Variants in SLC35F4 observed in about 807,000 individuals in gnomAD.
SLC35F4 encodes the protein chromosome 14 open reading frame 36.
Under a neutral mutation model 44.2 loss-of-function variants are expected in SLC35F4, and 24 were observed. The ratio of observed to expected loss-of-function variants is 0.54; its 90% confidence interval spans 0.39 to 0.76. The LOEUF is 0.76. SLC35F4 is among the 30% of genes least tolerant of loss of function. The pLI, the probability that SLC35F4 is intolerant of heterozygous loss-of-function variation, is 0.00. For missense variants in SLC35F4, 562 were observed against 586.1 expected (o/e 0.96, Z 0.42); for synonymous variants, 238 against 223.6 (o/e 1.06, Z -0.57).
intron 1 of SLC35F4, among the ~76,000 whole-genome samples, chr14:57,642,160 A>G (rs1321259862): frequency 6.6e-6 from 1 of 151,972 alleles, no homozygotes; most frequent in African/African-American, 2.4e-5. Context: ...GCCACGTGCT[A>G]AGGTGACATG....
intron 1 of SLC35F4, among the ~76,000 whole-genome samples, chr14:57,901,831 G>A (rs1889006430): frequency 6.6e-6 from 1 of 152,060 alleles, no homozygotes; most frequent in Admixed American, 6.5e-5. Context: ...TATTACAGAT[G>A]AGCAAACTGT....
intron 1 of SLC35F4, among the ~76,000 whole-genome samples, chr14:57,788,676 C>T (rs750417945): frequency 2.6e-5 from 4 of 152,132 alleles, no homozygotes; most frequent in Non-Finnish European, 5.9e-5. Flanking sequence ...TAACAGACAT[C>T]TACAGGACTC....
In SLC35F4 at chr14:57,664,054, A is replaced by G. The variant is rs2074228578; in HGVS notation, c.104-69930T>C. 5.9e-5 allele frequency among the ~76,000 whole-genome samples: 9 copies of G among 152,210 alleles called. No individual in the cohort carries two copies. In the South Asian group the frequency reaches 1.9e-3, roughly 32 times the overall value. On this transcript the variant is annotated intron_variant, in intron 1 of 7. Coordinates refer to ENST00000556826, the MANE Select transcript of SLC35F4 (RefSeq NM_001306087.2). ...GCACTGTACATAGAGGAGAATATTAATAAACTCTGATGGAAATATTAATAT... is the reference window on the plus strand; with the variant it reads ...GCACTGTACATAGAGGAGAATATTAGTAAACTCTGATGGAAATATTAATAT...
intron 1 of SLC35F4, among the ~76,000 whole-genome samples, chr14:57,733,623 G>A (rs1457397564): frequency 6.6e-6 from 1 of 151,900 alleles, no homozygotes; most frequent in Non-Finnish European, 1.5e-5. Flanking sequence ...TTCCACTGAT[G>A]TATGGATAGC....
At chr14:57,756,173 T>C (rs1302915049) in intron 1 of SLC35F4, among the ~76,000 whole-genome samples, 1 of 152,250 alleles carries the variant, frequency 6.6e-6, no homozygotes, top group Non-Finnish European at 1.5e-5. Flanking sequence ...GCTGAGATCT[T>C]TGATTAAAGC....
chr14:57,888,647 T>A (rs1193116829), intron 1 of SLC35F4, among the ~76,000 whole-genome samples: 1 of 152,160 alleles, frequency 6.6e-6, no homozygotes, highest in Non-Finnish European at 1.5e-5. Flanking sequence ...AAAAGGGACA[T>A]TGGGAAAACA....
Position 57,682,481 on chromosome 14 carries a change from C to A in SLC35F4, c.104-88357G>T, listed in dbSNP as rs180735558. Among the ~76,000 whole-genome samples the A allele has an allele frequency of 6.0e-3, 905 of 151,998 alleles. 16 individuals carry two copies. The highest frequency in any genetic ancestry group is 6.0e-3 in the Non-Finnish European group (405 of 67,966). ...GACACAGGGAGCGGAACATCACACA[C>A]CTGTCATGGGGTAGGGGGCTAGGGG... On this transcript the variant is annotated intron_variant, in intron 1 of 7. Coordinates refer to ENST00000556826, the MANE Select transcript of SLC35F4 (RefSeq NM_001306087.2).
chr14:57,760,234 C>T (rs920065614), intron 1 of SLC35F4, among the ~76,000 whole-genome samples: 2 of 152,000 alleles, frequency 1.3e-5, no homozygotes, highest in African/African-American at 4.8e-5. Flanking sequence ...GGTCCAATTT[C>T]ATTATTTTGC....
At chr14:57,589,828 C>T (rs1360346286) in intron 2 of SLC35F4, among the ~76,000 whole-genome samples, 1 of 152,192 alleles carries the variant, frequency 6.6e-6, no homozygotes. Flanking sequence ...AAAGACTGGT[C>T]TTGGCCACAT....
At chr14:57,793,141 C>T (rs1013537176) in intron 1 of SLC35F4, among the ~76,000 whole-genome samples, 7 of 151,998 alleles carry the variant, frequency 4.6e-5, no homozygotes, top group Non-Finnish European at 8.8e-5. Context: ...TGAAAATGTG[C>T]CCAGGCTCCT....
chr14:57,653,912 A>T (rs1484000693), intron 1 of SLC35F4, among the ~76,000 whole-genome samples: 1 of 152,166 alleles, frequency 6.6e-6, no homozygotes, highest in Non-Finnish European at 1.5e-5. Context: ...GTTCCTTCTG[A>T]GGGCTGTGAG....
At chr14:57,777,814 G>A (rs369598805) in intron 1 of SLC35F4, among the ~76,000 whole-genome samples, 8 of 151,972 alleles carry the variant, frequency 5.3e-5, no homozygotes, top group South Asian at 2.1e-4. Context: ...GTGGCAAGCC[G>A]GATAAAGAAA....
intron 1 of SLC35F4, among the ~76,000 whole-genome samples, chr14:57,699,388 T>C (rs2075473925): frequency 6.6e-6 from 1 of 152,160 alleles, no homozygotes; most frequent in African/African-American, 2.4e-5. Context: ...TTAGACCCCA[T>C]TTCCCCACGT....
intron 1 of SLC35F4, among the ~76,000 whole-genome samples, chr14:57,793,259 T>TG (rs1040462312): frequency 2.0e-5 from 3 of 151,852 alleles, no homozygotes; most frequent in South Asian, 2.1e-4. Context: ...TATTTTTTTT[T>TG]TTTCAATTGC....
chr14:57,919,635 C>T (rs1235471988), intron 1 of SLC35F4, among the ~76,000 whole-genome samples: 1 of 152,086 alleles, frequency 6.6e-6, no homozygotes, highest in Non-Finnish European at 1.5e-5. Flanking sequence ...AAGGAGTTTT[C>T]AATTATATGA....
chr14:57,820,640 C>G (rs1306323071), intron 1 of SLC35F4, among the ~76,000 whole-genome samples: 1 of 152,176 alleles, frequency 6.6e-6, no homozygotes, highest in African/African-American at 2.4e-5. Flanking sequence ...GAAAATGTAT[C>G]TGCGGAATGA....
chr14:57,704,112 C>G (rs1216460787), intron 1 of SLC35F4, among the ~76,000 whole-genome samples: 1 of 152,188 alleles, frequency 6.6e-6, no homozygotes. Flanking sequence ...GAGTTCAAAA[C>G]TATTTTATTT....
chr14:57,616,163 T>G (rs1054162127), intron 1 of SLC35F4, among the ~76,000 whole-genome samples: 1 of 152,172 alleles, frequency 6.6e-6, no homozygotes, highest in East Asian at 1.9e-4. Flanking sequence ...AACATCCATC[T>G]CCAGAACTTT....
intron 3 of SLC35F4, among the ~76,000 whole-genome samples, chr14:57,582,125 T>C (rs909523366): frequency 2.0e-5 from 3 of 152,174 alleles, no homozygotes; most frequent in Admixed American, 6.5e-5. Flanking sequence ...ATCTTCGGTT[T>C]GTTTGATTTT....
Sources: gnomAD v4.1 joint callset for allele counts (sites outside exome capture counted in the v4.1 genomes callset) on GRCh38, gnomAD v4.1.1 for gene constraint, MANE v1.5 for transcripts, NCBI Gene and HGNC (gene_info 2026-07-23, HGNC 2026-07-21) for gene names.